Variants in SLC44A5 observed in about 807,000 individuals in gnomAD.
SLC44A5 encodes solute carrier family 44 member 5, also known as choline transporter-like protein 5.
A neutral mutation model predicts 101.8 loss-of-function variants in SLC44A5; 57 were observed. That is an observed-to-expected ratio of 0.56 (90% CI 0.45 to 0.70). SLC44A5 has a LOEUF of 0.70. SLC44A5 is among the 30% of genes least tolerant of loss of function. The pLI is 0.00. For synonymous variants in SLC44A5, 281 were observed against 290.9 expected (o/e 0.97, Z 0.35); for missense variants, 737 against 853.1 (o/e 0.86, Z 1.70).
the SLC44A5 span, among the ~76,000 whole-genome samples, chr1:75,685,141 G>A: frequency 6.6e-6 from 1 of 152,164 alleles, no homozygotes; most frequent in Admixed American, 6.6e-5. Flanking sequence ...GCCCCTTTTA[G>A]CCATGGCAGG....
At chr1:75,658,271 T>C in the SLC44A5 span, among the ~76,000 whole-genome samples, 1 of 152,100 alleles carries the variant, frequency 6.6e-6, no homozygotes, top group Non-Finnish European at 1.5e-5. Flanking sequence ...AGATGGGGTT[T>C]CACCATGTTG....
rs559802937 is a variant in SLC44A5 at position 75,539,748 on chromosome 1, A to G, written c.13+1687T>C. ...GTCAAAGACATGCAAGCTACTTGAC[A>G]ATAAATGGAGGCCAACAGAAACATT... is the stretch of plus-strand genomic sequence containing the variant. On this transcript the variant is annotated intron_variant, in intron 2 of 23. Transcript: ENST00000370859. Among the ~76,000 whole-genome samples the G allele has an allele frequency of 2.6e-5, 4 of 152,362 alleles. No homozygotes were observed. In the South Asian group the frequency reaches 8.3e-4, roughly 32 times the overall value.
At chr1:75,217,032 T>C (rs1646975018) in intron 18 of SLC44A5, among the ~76,000 whole-genome samples, 1 of 152,108 alleles carries the variant, frequency 6.6e-6, no homozygotes, top group African/African-American at 2.4e-5. Context: ...CCAAATCCAA[T>C]GTCATGAAGC....
intron 7 of SLC44A5, among the ~76,000 whole-genome samples, chr1:75,244,793 CT>C (rs1253381640): frequency 1.3e-5 from 2 of 151,794 alleles, no homozygotes; most frequent in South Asian, 2.1e-4. Flanking sequence ...ATTGGTTTTG[CT>C]TTTTTTTACA....
chr1:75,299,315 A>G (rs1337577786), intron 5 of SLC44A5, among the ~76,000 whole-genome samples: 1 of 152,108 alleles, frequency 6.6e-6, no homozygotes, highest in African/African-American at 2.4e-5. Flanking sequence ...TTCCTGTCTT[A>G]ATTTTTTGAA....
intron 2 of SLC44A5, among the ~76,000 whole-genome samples, chr1:75,411,922 A>G (rs1205780076): frequency 6.6e-6 from 1 of 152,142 alleles, no homozygotes; most frequent in Non-Finnish European, 1.5e-5. Flanking sequence ...CCATATCCAT[A>G]GATAACAATG....
chr1:75,540,689 T>C (rs1342109422), intron 2 of SLC44A5, among the ~76,000 whole-genome samples: 1 of 152,224 alleles, frequency 6.6e-6, no homozygotes, highest in Non-Finnish European at 1.5e-5. Flanking sequence ...CTTTAACTTG[T>C]ACTTATGCCA....
chr1:75,672,666 G>A, the SLC44A5 span, among the ~76,000 whole-genome samples: 1 of 152,132 alleles, frequency 6.6e-6, no homozygotes. Flanking sequence ...AACCTAGGCA[G>A]CACCAATTGC....
intron 3 of SLC44A5, among the ~76,000 whole-genome samples, chr1:75,370,954 A>G (rs1335673028): frequency 6.6e-6 from 1 of 152,230 alleles, no homozygotes; most frequent in East Asian, 1.9e-4. Context: ...GCTACAGGGA[A>G]GATCTAAACT....
chr1:75,346,296 G>A (rs894123512), intron 3 of SLC44A5, among the ~76,000 whole-genome samples: 1 of 152,068 alleles, frequency 6.6e-6, no homozygotes, highest in Non-Finnish European at 1.5e-5. Context: ...CCTGTTTTAA[G>A]AAACATTTTC....
chr1:75,529,944 T>C (rs1670628723), intron 2 of SLC44A5, among the ~76,000 whole-genome samples: 1 of 152,184 alleles, frequency 6.6e-6, no homozygotes, highest in Admixed American at 6.5e-5. Context: ...TTGGAATATT[T>C]ACATATTGAA....
chr1:75,696,796 G>A, the SLC44A5 span, among the ~76,000 whole-genome samples: 5 of 152,110 alleles, frequency 3.3e-5, no homozygotes, highest in South Asian at 2.1e-4. Flanking sequence ...CCAGCTACTC[G>A]GGAGGCTGAG....
At chr1:75,673,704 T>C in the SLC44A5 span, among the ~76,000 whole-genome samples, 241 of 152,182 alleles carry the variant, frequency 1.6e-3, no homozygotes, top group Middle Eastern at 0.014. Flanking sequence ...CCCAAGCTCC[T>C]AGGAGCTCAG....
At chr1:75,342,308 A>G (rs1176802388) in intron 3 of SLC44A5, among the ~76,000 whole-genome samples, 12 of 152,220 alleles carry the variant, frequency 7.9e-5, no homozygotes, top group Admixed American at 5.2e-4. Flanking sequence ...ACAATTCCAC[A>G]TAGAACGCAA....
chr1:75,414,259 C>T (rs1249799), intron 2 of SLC44A5, among the ~76,000 whole-genome samples: 38,831 of 151,092 alleles, frequency 0.26, 5,344 homozygotes, highest in African/African-American at 0.35. Flanking sequence ...GTTATAACAC[C>T]TTGGGCTTTA....
At chr1:75,621,367 T>G in the SLC44A5 span, among the ~76,000 whole-genome samples, 1 of 152,072 alleles carries the variant, frequency 6.6e-6, no homozygotes, top group Non-Finnish European at 1.5e-5. Context: ...TAAGAAATAG[T>G]CAGAATGAGG....
the SLC44A5 span, among the ~76,000 whole-genome samples, chr1:75,701,356 G>T: frequency 6.6e-6 from 1 of 152,108 alleles, no homozygotes; most frequent in Admixed American, 6.5e-5. Context: ...TTCAACATAC[G>T]CAAATCAATA....
intron 2 of SLC44A5, among the ~76,000 whole-genome samples, chr1:75,460,697 C>T (rs57148190): frequency 0.34 from 51,277 of 151,968 alleles, 8,722 homozygotes; most frequent in Middle Eastern, 0.4. Flanking sequence ...GGGATCTAGA[C>T]ATTGGAATTG....
At chr1:75,288,476 A>C (rs625357) in intron 5 of SLC44A5, among the ~76,000 whole-genome samples, 116,720 of 151,504 alleles carry the variant, frequency 0.77, 45,434 homozygotes, top group East Asian at 0.97. Flanking sequence ...TTTGGTCATG[A>C]ATGAATGAAT....
Sources: gnomAD v4.1 joint callset for allele counts (sites outside exome capture counted in the v4.1 genomes callset) on GRCh38, gnomAD v4.1.1 for gene constraint, MANE v1.5 for transcripts, NCBI Gene and HGNC (gene_info 2026-07-23, HGNC 2026-07-21) for gene names.